The following ELOVL2 variants were observed in gnomAD, a reference collection of about 807,000 sequenced individuals.
ELOVL2 encodes the protein very long chain fatty acid elongase 2.
A neutral mutation model predicts 37.7 loss-of-function variants in ELOVL2; 38 were observed. That is an observed-to-expected ratio of 1.01 (90% CI 0.78 to 1.32). The LOEUF is 1.32. Ranked by LOEUF, ELOVL2 falls within the 40% of genes most tolerant of loss-of-function variation. The pLI, the probability that ELOVL2 is intolerant of heterozygous loss-of-function variation, is 0.00. For synonymous variants in ELOVL2, 115 were observed against 122.3 expected (o/e 0.94, Z 0.40); for missense variants, 352 against 363.6 (o/e 0.97, Z 0.26).
intron 5 of ELOVL2, among the ~76,000 whole-genome samples, chr6:10,990,673 C>CAG (rs5874300): frequency 6.6e-6 from 1 of 150,570 alleles, no homozygotes; most frequent in African/African-American, 2.5e-5. Context: ...GAATGCCCCC[C>CAG]CCCCGCCACA....
At chr6:11,040,227 T>A (rs13204015) in intron 1 of ELOVL2, among the ~76,000 whole-genome samples, 1 of 152,168 alleles carries the variant, frequency 6.6e-6, no homozygotes, top group Non-Finnish European at 1.5e-5. Flanking sequence ...AGTAGCTTTC[T>A]TTTTGTAATG....
chr6:11,035,886 A>G (rs1437236699), intron 1 of ELOVL2, among the ~76,000 whole-genome samples: 1 of 152,220 alleles, frequency 6.6e-6, no homozygotes, highest in East Asian at 1.9e-4. Flanking sequence ...CCTCTAATTG[A>G]GCAGTACTGA....
intron 1 of ELOVL2, among the ~76,000 whole-genome samples, chr6:11,029,842 C>A (rs183235465): frequency 1.4e-4 from 22 of 152,264 alleles, no homozygotes; most frequent in Admixed American, 4.6e-4. Context: ...CCTTTCACAA[C>A]TGACTTACAA....
chr6:10,985,331 C>A (rs1042277583), intron 7 of ELOVL2, among the ~76,000 whole-genome samples: 6 of 151,830 alleles, frequency 4.0e-5, no homozygotes, highest in East Asian at 1.9e-4. Context: ...CTCTGATGGT[C>A]GTTTCTTTTG....
chr6:11,001,798 A>G (rs1158402795), intron 3 of ELOVL2, among the ~76,000 whole-genome samples: 1 of 152,208 alleles, frequency 6.6e-6, no homozygotes, highest in Non-Finnish European at 1.5e-5. Flanking sequence ...TTACTGGTGT[A>G]GGAGTCATCC....
At chr6:11,026,983 TATC>T (rs1276047182) in intron 1 of ELOVL2, among the ~76,000 whole-genome samples, 3 of 152,324 alleles carry the variant, frequency 2.0e-5, no homozygotes, top group East Asian at 1.9e-4. Context: ...CTCACATCCT[TATC>T]ATTTTTTTGT....
intron 4 of ELOVL2, among the ~76,000 whole-genome samples, chr6:10,996,810 G>C (rs963204083): frequency 6.6e-6 from 1 of 152,286 alleles, no homozygotes; most frequent in Middle Eastern, 3.4e-3. Flanking sequence ...AGGAGTTCAA[G>C]ACCAGCCTGG....
intron 2 of ELOVL2, among the ~76,000 whole-genome samples, chr6:11,007,244 C>T (rs1782496558): frequency 6.6e-6 from 1 of 152,198 alleles, no homozygotes; most frequent in Admixed American, 6.5e-5. Flanking sequence ...AAGATGCCTT[C>T]AAGTCCTAAC....
At chr6:11,000,342 T>C (rs527529091) in intron 3 of ELOVL2, among the ~76,000 whole-genome samples, 178 bp from the exon 4 acceptor site, 57 of 152,362 alleles carry the variant, frequency 3.7e-4, no homozygotes, top group African/African-American at 1.4e-3. Context: ...TATTTCCTGC[T>C]GTTGAACTGA....
In ELOVL2 at chr6:10,981,842, T is replaced by C. The variant is rs1330882925; in HGVS notation, c.*1939A>G. 3 of 152,214 alleles carry C rather than the reference T, an allele frequency of 2.0e-5. No individual in the cohort carries two copies. Among genetic ancestry groups the C allele is most frequent in the African/African-American group, 2.4e-5 (1 of 41,444 alleles). 9.4% of individuals were successfully genotyped at this position (152,214 alleles called of 1,614,324 possible). A position where few individuals can be genotyped will look rare whatever the true frequency, so the allele number is the denominator to read the frequency against. ...CTTTGGTAAGAGATTTCAGCCTATA[T>C]TTGAGATCTAAACTGAACTAGGGTC... On this transcript the variant is annotated 3_prime_UTR_variant, in exon 8 of 8. Coordinates refer to ENST00000354666, the MANE Select transcript of ELOVL2 (RefSeq NM_017770.4).
rs551232102 is a variant in ELOVL2 at position 11,007,902 on chromosome 6, A to G, written c.68-2343T>C. On this transcript the variant is annotated intron_variant, in intron 2 of 7. Transcript: ENST00000354666. ...TGAGGTTTTTGTTTTCTTTTGTCAC[A>G]GTGCTGTAAATGTTTGCTACAGTTG... Among the ~76,000 whole-genome samples the G allele has an allele frequency of 9.2e-5, 14 of 152,306 alleles. No homozygotes were observed. The South Asian group carries it at 2.9e-3, about 32-fold the overall frequency.
intron 1 of ELOVL2, among the ~76,000 whole-genome samples, chr6:11,028,856 G>C (rs1782875666): frequency 6.6e-6 from 1 of 151,860 alleles, no homozygotes; most frequent in Non-Finnish European, 1.5e-5. Context: ...GACAGATCAG[G>C]AAAATGGGAC....
At chr6:11,040,224 T>C (rs1029734531) in intron 1 of ELOVL2, among the ~76,000 whole-genome samples, 8 of 152,302 alleles carry the variant, frequency 5.3e-5, no homozygotes, top group Admixed American at 5.2e-4. Context: ...ATGAGTAGCT[T>C]TCTTTTTGTA....
rs1339703211 is a variant in ELOVL2 at position 11,028,865 on chromosome 6, A to ACTTT, written c.3+15362_3+15363insAAAG. Among the ~76,000 whole-genome samples, 4 of 152,060 alleles carry ACTTT rather than the reference A, an allele frequency of 2.6e-5. No homozygotes were observed. The East Asian group carries it at 5.8e-4, about 22-fold the overall frequency. On this transcript the variant is annotated intron_variant, in intron 1 of 7. Coordinates refer to ENST00000354666, the MANE Select transcript of ELOVL2 (RefSeq NM_017770.4). Reference sequence around the variant, plus strand: ...CCCTTTGACAGATCAGGAAAATGGGACTTAAGAGAGGTAAAGCAACTTGCC... The same window carrying ACTTT: ...CCCTTTGACAGATCAGGAAAATGGGACTTTCTTAAGAGAGGTAAAGCAACTTGCC...
chr6:11,033,707 C>T (rs1289810505), intron 1 of ELOVL2, among the ~76,000 whole-genome samples: 9 of 152,202 alleles, frequency 5.9e-5, no homozygotes, highest in African/African-American at 2.2e-4. Context: ...TCATGTAACC[C>T]GAAGAGGAAG....
intron 1 of ELOVL2, among the ~76,000 whole-genome samples, chr6:11,026,836 TA>T (rs1236604095): frequency 8.6e-5 from 13 of 151,644 alleles, no homozygotes; most frequent in African/African-American, 3.2e-4. Flanking sequence ...TTATATCTAA[TA>T]GATTAACTAT....
intron 4 of ELOVL2, 24 bp from the exon 5 acceptor site, chr6:10,995,202 A>C (rs777715421): frequency 1.3e-6 from 2 of 1,558,294 alleles, no homozygotes; most frequent in Non-Finnish European, 8.7e-7. Flanking sequence ...TAAAGGGGAG[A>C]AAAGGGTGAG....
At position 11,021,892 on chromosome 6, in the gene ELOVL2, C is replaced by T. The variant is rs138757624; in HGVS notation, c.4-11083G>A. On this transcript the variant is annotated intron_variant, in intron 1 of 7. Coordinates refer to ENST00000354666, the MANE Select transcript of ELOVL2 (RefSeq NM_017770.4). ...CCCCTTTGTGCGAGAACCTGAGCTA[C>T]GCTTGAGAGGGAGCTCATCCTAAGG... 1.3e-3 allele frequency among the ~76,000 whole-genome samples: 192 copies of T among 152,244 alleles called. 3 individuals are homozygous for T. The East Asian group carries it at 0.022, about 18-fold the overall frequency.
Position 10,990,326 on chromosome 6 carries a change from C to A in ELOVL2, c.622G>T (p.Ala208Ser). ...AAGAAGGGACAACATACCAGCTGAG[C>A]CTGTGTGAGATATTTCTTCCACCAA... ...YLWWKKYLTQ[A>S]QLVQFVLTIT... The change falls in exon 6 of 8, where the codon GCT (alanine) becomes TCT (serine). Residue 208 changes from alanine to serine, a missense_variant. Transcript: ENST00000354666. The A allele has an allele frequency of 6.8e-6, 11 of 1,611,660 alleles. No homozygotes were observed. The highest frequency in any genetic ancestry group is 9.3e-6 in the Non-Finnish European group (11 of 1,179,264).
Sources: gnomAD v4.1 joint callset for allele counts (sites outside exome capture counted in the v4.1 genomes callset) on GRCh38, gnomAD v4.1.1 for gene constraint, MANE v1.5 for transcripts, NCBI Gene and HGNC (gene_info 2026-07-23, HGNC 2026-07-21) for gene names.